Variants in MYRIP observed in about 807,000 individuals in gnomAD.
The protein encoded by MYRIP is myosin VIIA and Rab interacting protein, also known as rab effector MyRIP.
In MYRIP, 49 loss-of-function variants were observed where a neutral mutation model predicts 98.0. The observed-to-expected ratio is 0.50, with a 90% CI of 0.40 to 0.63. The LOEUF is 0.63. Ranked by LOEUF, MYRIP falls within the 30% of genes least tolerant of loss-of-function variation. MYRIP has a pLI of 0.00. For missense variants in MYRIP, 1,004 were observed against 1,058.2 expected, an observed-to-expected ratio of 0.95 and a Z score of 0.71; for synonymous variants, 404 against 409.5, an observed-to-expected ratio of 0.99 and a Z score of 0.16.
chr3:40,190,610 C>T, intron 10 of MYRIP, 147 bp downstream of exon 10: 1 of 1,321,574 alleles, frequency 7.6e-7, no homozygotes. Flanking sequence ...CTGAGTGCCT[C>T]TAGACAGGTC....
intron 8 of MYRIP, among the ~76,000 whole-genome samples, chr3:40,172,467 T>G (rs1298820231): frequency 6.6e-6 from 1 of 152,062 alleles, no homozygotes; most frequent in Non-Finnish European, 1.5e-5. Context: ...AATAGAATAG[T>G]GGTTGTGTGG....
chr3:40,177,743 A>G (rs2125609535), intron 8 of MYRIP, among the ~76,000 whole-genome samples: 1 of 152,268 alleles, frequency 6.6e-6, no homozygotes, highest in East Asian at 1.9e-4. Flanking sequence ...GTGCATGCAT[A>G]TAAAAAGGCC....
chr3:39,975,928 C>T (rs1218969896), intron 2 of MYRIP, among the ~76,000 whole-genome samples: 1 of 152,104 alleles, frequency 6.6e-6, no homozygotes, highest in African/African-American at 2.4e-5. Flanking sequence ...AAATGTTAGA[C>T]CTCAAACCAT....
intron 2 of MYRIP, among the ~76,000 whole-genome samples, chr3:39,984,490 T>A (rs1321682885): frequency 6.6e-6 from 1 of 152,104 alleles, no homozygotes; most frequent in South Asian, 2.1e-4. Context: ...GGTTTTTTGT[T>A]CTTGCGATAG....
chr3:40,211,081 C>G (rs1951915030), intron 11 of MYRIP, among the ~76,000 whole-genome samples: 1 of 152,138 alleles, frequency 6.6e-6, no homozygotes, highest in Non-Finnish European at 1.5e-5. Flanking sequence ...GAAGAGGAAA[C>G]TGAACCTGAG....
At chr3:39,921,292 G>A (rs1439089328) in intron 2 of MYRIP, among the ~76,000 whole-genome samples, 1 of 152,188 alleles carries the variant, frequency 6.6e-6, no homozygotes, top group Non-Finnish European at 1.5e-5. Context: ...GAGCACTGGT[G>A]AACTCTTCCT....
intron 2 of MYRIP, among the ~76,000 whole-genome samples, chr3:39,960,838 G>C (rs1945305008): frequency 6.6e-6 from 1 of 152,152 alleles, no homozygotes; most frequent in Non-Finnish European, 1.5e-5. Context: ...TTAAACAATT[G>C]CATTTCTTGG....
chr3:39,919,445 T>C (rs148535812), intron 2 of MYRIP, among the ~76,000 whole-genome samples: 43 of 152,288 alleles, frequency 2.8e-4, no homozygotes, highest in African/African-American at 8.7e-4. Context: ...GCAATCTGCA[T>C]TTCTCCAGGC....
At chr3:40,071,273 G>A in intron 3 of MYRIP, 2 of 847,228 alleles carry the variant, frequency 2.4e-6, no homozygotes, top group Non-Finnish European at 2.8e-6. Flanking sequence ...CCATCAGAGA[G>A]ATGGCTGGAT....
Position 39,972,463 on chromosome 3 carries a change from C to T in MYRIP, c.110+71537C>T, listed in dbSNP as rs551033007. 2.6e-4 allele frequency among the ~76,000 whole-genome samples: 40 copies of T among 152,090 alleles called. 1 individual carries two copies. Among genetic ancestry groups the T allele is most frequent in the African/African-American group, 9.1e-4 (38 of 41,540 alleles). ...GAAATAATTTTAACGTGGAACTAAA[C>T]TTTGTTATGATTCTAAATTTACTTT... On this transcript the variant is annotated intron_variant, in intron 2 of 16. Coordinates refer to ENST00000302541, the MANE Select transcript of MYRIP (RefSeq NM_015460.4).
chr3:40,005,462 C>T (rs1946610538), intron 2 of MYRIP, among the ~76,000 whole-genome samples: 1 of 152,236 alleles, frequency 6.6e-6, no homozygotes, highest in African/African-American at 2.4e-5. Context: ...GGCCATTATA[C>T]TTGTGTCACT....
intron 12 of MYRIP, among the ~76,000 whole-genome samples, chr3:40,234,882 T>G (rs563124696): frequency 5.3e-5 from 8 of 151,442 alleles, no homozygotes; most frequent in Non-Finnish European, 7.4e-5. Flanking sequence ...TAATCCCAGC[T>G]ACTTGGGAGG....
At chr3:40,012,614 C>T (rs1247594840) in intron 2 of MYRIP, among the ~76,000 whole-genome samples, 1 of 152,178 alleles carries the variant, frequency 6.6e-6, no homozygotes, top group East Asian at 1.9e-4. Flanking sequence ...AGATCATTCT[C>T]CCCGCTTGTG....
intron 3 of MYRIP, among the ~76,000 whole-genome samples, chr3:40,120,695 G>A (rs923424839): frequency 2.6e-5 from 4 of 152,148 alleles, no homozygotes; most frequent in African/African-American, 9.7e-5. Flanking sequence ...GATTAGCAGG[G>A]GGAAGACACA....
At chr3:39,925,047 A>G (rs1161400525) in intron 2 of MYRIP, among the ~76,000 whole-genome samples, 2 of 151,698 alleles carry the variant, frequency 1.3e-5, no homozygotes. Flanking sequence ...CATCATAAGA[A>G]CTCAGAAAAA....
intron 1 of MYRIP, among the ~76,000 whole-genome samples, chr3:39,878,529 G>T (rs1469379005): frequency 6.6e-6 from 1 of 152,000 alleles, no homozygotes; most frequent in Non-Finnish European, 1.5e-5. Context: ...CTTTCAGAAG[G>T]TGTTGAATGA....
intron 3 of MYRIP, among the ~76,000 whole-genome samples, chr3:40,063,190 A>G (rs1948053957): frequency 6.6e-6 from 1 of 152,242 alleles, no homozygotes; most frequent in Non-Finnish European, 1.5e-5. Flanking sequence ...TTTGGATTAA[A>G]GAAGACTAAG....
intron 10 of MYRIP, 92 bp from the exon 11 acceptor site, chr3:40,209,762 C>T (rs1951871965): frequency 1.3e-6 from 2 of 1,524,246 alleles, no homozygotes; most frequent in East Asian, 2.3e-5. Context: ...ACTATATGTT[C>T]CTATGTTCCT....
intron 2 of MYRIP, among the ~76,000 whole-genome samples, chr3:39,909,891 T>C (rs1217796493): frequency 6.6e-6 from 1 of 151,466 alleles, no homozygotes; most frequent in East Asian, 1.9e-4. Context: ...TCTTTTTTTT[T>C]GTTTGTTTGT....
Sources: allele counts gnomAD v4.1 joint callset (sites outside exome capture counted in the v4.1 genomes callset), GRCh38; gene constraint gnomAD v4.1.1; transcripts MANE v1.5; gene names NCBI Gene and HGNC (gene_info 2026-07-23, HGNC 2026-07-21).